Variants in FGD5 observed in about 807,000 individuals in gnomAD.
The protein encoded by FGD5 is FYVE, RhoGEF and PH domain containing 5, also known as FYVE, RhoGEF and PH domain-containing protein 5.
In FGD5, 28 loss-of-function variants were observed where a neutral mutation model predicts 133.4. The ratio of observed to expected loss-of-function variants is 0.21; its 90% confidence interval spans 0.16 to 0.29. The LOEUF is 0.29. FGD5 is among the 10% of genes least tolerant of loss of function. The probability of loss-of-function intolerance (pLI) is 1.00; values close to 1 mark genes in which losing one functional copy is unlikely to be tolerated. For missense variants in FGD5, 1,858 were observed against 1,895.2 expected (o/e 0.98, Z 0.36); for synonymous variants, 810 against 776.5 (o/e 1.04, Z -0.72).
intron 10 of FGD5, among the ~76,000 whole-genome samples, chr3:14,909,062 C>T (rs1267995091): frequency 2.0e-5 from 3 of 149,690 alleles, no homozygotes; most frequent in African/African-American, 7.4e-5. Flanking sequence ...TCCGCCTCCC[C>T]GGTTCAAGCA....
intron 11 of FGD5, among the ~76,000 whole-genome samples, chr3:14,916,774 C>T (rs1575256412): frequency 6.6e-6 from 1 of 152,224 alleles, no homozygotes; most frequent in South Asian, 2.1e-4. Flanking sequence ...TTAGTTCTGC[C>T]TATTCTGGAG....
chr3:14,917,211 G>C lies in FGD5; in HGVS notation c.3406-38G>C. The stretch of plus-strand genomic sequence containing the variant: ...GGACAGAAGCCTGGCGCAGCCTTCT[G>C]GGGCCAGGGTCCTCTCATAGGGTTT... On this transcript the variant is annotated intron_variant, in intron 11 of 19. Transcript: ENST00000285046. This position sits in a 1 kb window ranked among gnomAD's most constrained non-coding sequence, Gnocchi z 4.1. 6.3e-7 allele frequency: 1 copy of C among 1,585,174 alleles called. No individual in the cohort carries two copies. The highest frequency in any genetic ancestry group is 2.3e-5 in the East Asian group (1 of 44,090).
intron 4 of FGD5, among the ~76,000 whole-genome samples, chr3:14,884,289 C>G (rs1025656973): frequency 6.6e-6 from 1 of 152,206 alleles, no homozygotes; most frequent in Non-Finnish European, 1.5e-5. Flanking sequence ...AAGGCCTGTT[C>G]AGAAGCCAGT....
At chr3:14,921,131 G>A (rs563823757) in intron 13 of FGD5, among the ~76,000 whole-genome samples, 1 of 152,230 alleles carries the variant, frequency 6.6e-6, no homozygotes, top group Admixed American at 6.5e-5. Flanking sequence ...TCACCTTCCT[G>A]CTAGTCCAGA....
In FGD5 at chr3:14,819,017, C is replaced by T. The variant is rs375301889; in HGVS notation, c.-55C>T. 120 of 1,486,322 alleles carry T rather than the reference C, an allele frequency of 8.1e-5. No individual in the cohort carries two copies. The Middle Eastern group carries it at 9.9e-4, about 12-fold the overall frequency. 92.1% of individuals were successfully genotyped at this position (1,486,322 alleles called of 1,614,324 possible). A position where few individuals can be genotyped will look rare whatever the true frequency, so the allele number is the denominator to read the frequency against. ...CTACCAGTCCACTGACGCCAGTGACCGCGCCCAAATTCCCTTCCTCAGCCA... is the reference window on the plus strand; with the variant it reads ...CTACCAGTCCACTGACGCCAGTGACTGCGCCCAAATTCCCTTCCTCAGCCA... On this transcript the variant is annotated 5_prime_UTR_variant, in exon 1 of 20. Coordinates refer to ENST00000285046, the MANE Select transcript of FGD5 (RefSeq NM_152536.4). This position sits in a 1 kb window ranked among gnomAD's most constrained non-coding sequence, Gnocchi z 4.1.
chr3:14,849,357 G>T (rs2125092468), intron 1 of FGD5, among the ~76,000 whole-genome samples: 1 of 152,288 alleles, frequency 6.6e-6, no homozygotes, highest in Non-Finnish European at 1.5e-5. Context: ...CCCTGGTACT[G>T]CCCAGCACAG....
In FGD5 at chr3:14,888,168, G is replaced by GAAA. The variant is rs3039779; in HGVS notation, c.2748+7407_2748+7409dup. On this transcript the variant is annotated intron_variant, in intron 4 of 19. Coordinates refer to ENST00000285046, the MANE Select transcript of FGD5 (RefSeq NM_152536.4). ...CTGGGTGACAGAGAGATCCTTTCTC[G>GAAA]AAAAAAAAAAAAATACAGATGCTCA... Among the ~76,000 whole-genome samples, 797 of 143,216 alleles carry GAAA rather than the reference G, an allele frequency of 5.6e-3. 11 individuals are homozygous for GAAA. The highest frequency in any genetic ancestry group is 8.5e-3 in the African/African-American group (326 of 38,458). 94.0% of individuals were successfully genotyped at this position (143,216 alleles called of 152,430 possible). A position where few individuals can be genotyped will look rare whatever the true frequency, so the allele number is the denominator to read the frequency against.
In FGD5 at chr3:14,923,110, A is replaced by G. The variant is rs1346544697; in HGVS notation, c.3872A>G (p.Lys1291Arg). ...PLKYLKDRMA[K>R]VCDGCFGELK... is the part of the protein sequence containing the mutation. ...AAGTACCTGAAGGACAGGATGGCCAAGGTCTGCGACGGCTGCTTCGGGGAG... is the reference window on the plus strand; with the variant it reads ...AAGTACCTGAAGGACAGGATGGCCAGGGTCTGCGACGGCTGCTTCGGGGAG... The change falls in exon 16 of 20, where the codon AAG becomes AGG. Residue 1291 changes from lysine to arginine, a missense_variant. Lys to Arg is a conservative substitution (Grantham distance 26, BLOSUM62 2). This residue lies in a region of FGD5 where 1,824 missense variants were observed against 1,848.9 expected (regional missense o/e 0.99). Transcript: ENST00000285046. 18 of 1,613,770 alleles carry G rather than the reference A, an allele frequency of 1.1e-5. No homozygotes were observed. Among genetic ancestry groups the G allele is most frequent in the East Asian group, 4.5e-5 (2 of 44,888 alleles).
chr3:14,887,850 A>G (rs2037953409), intron 4 of FGD5, among the ~76,000 whole-genome samples: 1 of 152,082 alleles, frequency 6.6e-6, no homozygotes, highest in Non-Finnish European at 1.5e-5. Flanking sequence ...AACATTTGCA[A>G]AGGCCTGGAG....
chr3:14,883,147 G>C (rs921134202), intron 4 of FGD5, among the ~76,000 whole-genome samples: 1 of 152,146 alleles, frequency 6.6e-6, no homozygotes, highest in Admixed American at 6.5e-5. Context: ...ATGAATTCTA[G>C]TCATCCTGAT....
At chr3:14,864,889 T>G (rs919780566) in intron 2 of FGD5, among the ~76,000 whole-genome samples, 1 of 152,150 alleles carries the variant, frequency 6.6e-6, no homozygotes, top group Non-Finnish European at 1.5e-5. Context: ...CTTCACCTAC[T>G]CACTGACAAA....
intron 12 of FGD5, among the ~76,000 whole-genome samples, chr3:14,918,229 T>C (rs9864436): frequency 0.28 from 43,270 of 152,108 alleles, 8,627 homozygotes; most frequent in African/African-American, 0.57. Flanking sequence ...AGGCTGAAGT[T>C]AGAGAGGGCA....
chr3:14,911,559 C>T (rs1359734554), intron 11 of FGD5, among the ~76,000 whole-genome samples: 1 of 151,966 alleles, frequency 6.6e-6, no homozygotes, highest in East Asian at 1.9e-4. Flanking sequence ...CTCCCAGCTT[C>T]CTCATACTTC....
intron 4 of FGD5, among the ~76,000 whole-genome samples, chr3:14,884,661 G>A (rs191786665): frequency 4.9e-4 from 75 of 152,254 alleles, no homozygotes; most frequent in African/African-American, 1.8e-3. Flanking sequence ...GACAGGGCAC[G>A]GTGGTGGGAG....
At chr3:14,827,289 T>TC (rs1559470836) in intron 1 of FGD5, among the ~76,000 whole-genome samples, 3 of 146,336 alleles carry the variant, frequency 2.1e-5, no homozygotes, top group Admixed American at 6.8e-5. Flanking sequence ...TTCTTTTTTT[T>TC]TTTTTTTTTT....
At chr3:14,825,559 A>G (rs369405760) in intron 1 of FGD5, among the ~76,000 whole-genome samples, 72 of 152,138 alleles carry the variant, frequency 4.7e-4, no homozygotes, top group Middle Eastern at 3.4e-3. Context: ...TTGAGGCGGG[A>G]GGATCACTTG....
intron 1 of FGD5, among the ~76,000 whole-genome samples, chr3:14,849,843 TAGTA>T (rs2037124154): frequency 6.6e-6 from 1 of 152,208 alleles, no homozygotes; most frequent in East Asian, 1.9e-4. Context: ...ACCTGGCACT[TAGTA>T]AGCCCTAAAA....
intron 10 of FGD5, among the ~76,000 whole-genome samples, chr3:14,910,110 TAAAAA>T (rs1348198642): frequency 6.6e-6 from 1 of 151,988 alleles, no homozygotes; most frequent in Non-Finnish European, 1.5e-5. Context: ...AAAATAAAAA[TAAAAA>T]ATACATAAAA....
Position 14,868,655 on chromosome 3 carries a change from A to T in FGD5, c.2658+4395A>T, listed in dbSNP as rs373524218. Among the ~76,000 whole-genome samples, 10 of 152,194 alleles carry T rather than the reference A, an allele frequency of 6.6e-5. No homozygotes were observed. In the East Asian group the frequency reaches 1.9e-3, roughly 29 times the overall value. ...CCCCGGGGAAGGGGCTCTGAACCAC[A>T]GCCTGTGCTTCCCACTCCCAGAAAA... On this transcript the variant is annotated intron_variant, in intron 2 of 19. Coordinates refer to ENST00000285046, the MANE Select transcript of FGD5 (RefSeq NM_152536.4).
Sources: allele counts gnomAD v4.1 joint callset (sites outside exome capture counted in the v4.1 genomes callset), GRCh38; gene constraint gnomAD v4.1.1; regional missense constraint gnomAD v4.1.1; non-coding constraint Gnocchi (gnomAD v3.1); transcripts MANE v1.5; gene names NCBI Gene and HGNC (gene_info 2026-07-23, HGNC 2026-07-21).